DLGAP1: variants seen among roughly 807,000 people sequenced by gnomAD.
DLGAP1 encodes the protein disks large-associated protein 1.
In DLGAP1, 11 loss-of-function variants were observed where a neutral mutation model predicts 90.8. The observed-to-expected ratio is 0.12, with a 90% confidence interval of 0.08 to 0.20. DLGAP1 has a LOEUF of 0.20. DLGAP1 is among the 10% of genes least tolerant of loss of function. DLGAP1 has a pLI of 1.00. For synonymous variants in DLGAP1, 558 were observed against 540.7 expected, an observed-to-expected ratio of 1.03 and a Z score of -0.44; for missense variants, 1,050 against 1,333.8, an observed-to-expected ratio of 0.79 and a Z score of 3.31.
chr18:4,170,140 G>A (rs1341203467), intron 1 of DLGAP1, among the ~76,000 whole-genome samples: 2 of 152,120 alleles, frequency 1.3e-5, no homozygotes. Flanking sequence ...GAAGCCAGTA[G>A]CAGAGCAGAT....
intron 2 of DLGAP1, among the ~76,000 whole-genome samples, chr18:4,093,717 G>A (rs2143784636): frequency 6.6e-6 from 1 of 152,250 alleles, no homozygotes; most frequent in South Asian, 2.1e-4. Context: ...GGGCATGGTA[G>A]CTGTTCTCTT....
chr18:3,693,768 T>TG (rs2060982477), intron 7 of DLGAP1, among the ~76,000 whole-genome samples: 4 of 152,172 alleles, frequency 2.6e-5, no homozygotes, highest in African/African-American at 9.7e-5. Context: ...CAAAAGGGAA[T>TG]CCAGATTGGG....
intron 5 of DLGAP1, among the ~76,000 whole-genome samples, chr18:3,804,298 A>G (rs577040376): frequency 1.3e-5 from 2 of 152,160 alleles, no homozygotes; most frequent in Non-Finnish European, 2.9e-5. Context: ...GATAATTTTT[A>G]AAGAATGTTG....
At chr18:3,507,097 A>C (rs2050270420) in intron 11 of DLGAP1, among the ~76,000 whole-genome samples, 1 of 151,972 alleles carries the variant, frequency 6.6e-6, no homozygotes, top group African/African-American at 2.4e-5. Flanking sequence ...GATGGAGACT[A>C]CCACCTTTTC....
intron 1 of DLGAP1, among the ~76,000 whole-genome samples, chr18:4,343,656 G>A (rs1291108314): frequency 6.6e-6 from 1 of 152,002 alleles, no homozygotes; most frequent in East Asian, 1.9e-4. Flanking sequence ...TTGGGGGGTC[G>A]GGGGCTAGGG....
intron 1 of DLGAP1, among the ~76,000 whole-genome samples, chr18:4,328,577 T>C (rs547394656): frequency 6.6e-6 from 1 of 152,158 alleles, no homozygotes; most frequent in African/African-American, 2.4e-5. Flanking sequence ...GTAGTGAGAT[T>C]ACTGGGCCAC....
At chr18:4,117,706 G>A (rs2076085262) in intron 2 of DLGAP1, among the ~76,000 whole-genome samples, 1 of 152,152 alleles carries the variant, frequency 6.6e-6, no homozygotes, top group South Asian at 2.1e-4. Context: ...TACTAGCTTG[G>A]ATTTTTCTTC....
At chr18:3,847,641 C>T (rs1285066783) in intron 4 of DLGAP1, among the ~76,000 whole-genome samples, 1 of 152,152 alleles carries the variant, frequency 6.6e-6, no homozygotes, top group Admixed American at 6.5e-5. Flanking sequence ...ATTATAGCAA[C>T]ATCCTACCAA....
chr18:4,413,346 A>G (rs1256611412), intron 1 of DLGAP1, among the ~76,000 whole-genome samples: 1 of 152,176 alleles, frequency 6.6e-6, no homozygotes, highest in East Asian at 1.9e-4. Flanking sequence ...ACTATAGCAC[A>G]TGCAAGTGCA....
At chr18:3,529,006 T>G (rs2051821632) in intron 10 of DLGAP1, among the ~76,000 whole-genome samples, 2 of 152,204 alleles carry the variant, frequency 1.3e-5, no homozygotes, top group Admixed American at 1.3e-4. Flanking sequence ...CCCATCTCTC[T>G]CTTCCACATC....
chr18:3,550,389 CT>C (rs1368262524), intron 9 of DLGAP1, among the ~76,000 whole-genome samples: 6 of 152,076 alleles, frequency 3.9e-5, no homozygotes, highest in African/African-American at 1.4e-4. Flanking sequence ...CCACGCCCAG[CT>C]AATTTTTTTT....
intron 7 of DLGAP1, among the ~76,000 whole-genome samples, chr18:3,623,584 G>T (rs1415838035): frequency 2.0e-5 from 3 of 151,860 alleles, no homozygotes; most frequent in East Asian, 3.9e-4. Context: ...GGTCAGGAGT[G>T]CGAGACCAGC....
chr18:3,739,700 G>A lies in DLGAP1; in HGVS notation c.1350+2635C>T, dbSNP rs145048084. Reference sequence around the variant, plus strand: ...AAGATGACAAGTTAGTGGGTGCAGCGCACCAGTGCGGCACATGTATACATA... The same window carrying A: ...AAGATGACAAGTTAGTGGGTGCAGCACACCAGTGCGGCACATGTATACATA... On this transcript the variant is annotated intron_variant, in intron 6 of 12. Coordinates refer to ENST00000315677, the MANE Select transcript of DLGAP1 (RefSeq NM_004746.4). Among the ~76,000 whole-genome samples the A allele has an allele frequency of 7.3e-3, 1,114 of 152,052 alleles. 8 individuals carry two copies. Among genetic ancestry groups the A allele is most frequent in the Admixed American group, 9.0e-3 (137 of 15,250 alleles).
intron 7 of DLGAP1, among the ~76,000 whole-genome samples, chr18:3,617,689 G>A (rs530609522): frequency 1.3e-5 from 2 of 151,788 alleles, no homozygotes; most frequent in Non-Finnish European, 2.9e-5. Flanking sequence ...CTCCATGCAT[G>A]GTTGCCACAA....
chr18:3,539,726 T>A (rs535152157), intron 9 of DLGAP1, among the ~76,000 whole-genome samples: 13 of 152,342 alleles, frequency 8.5e-5, no homozygotes, highest in South Asian at 6.2e-4. Context: ...AAAGAAATTG[T>A]GCACAAAAAC....
chr18:4,065,849 T>A (rs1410714720), intron 2 of DLGAP1, among the ~76,000 whole-genome samples: 1 of 120,588 alleles, frequency 8.3e-6, no homozygotes, highest in East Asian at 2.7e-4. Flanking sequence ...AAAAAAGGGC[T>A]TGAACAGCCA....
intron 1 of DLGAP1, among the ~76,000 whole-genome samples, chr18:4,360,302 T>C (rs1598280924): frequency 6.6e-6 from 1 of 152,208 alleles, no homozygotes; most frequent in South Asian, 2.1e-4. Context: ...CAGGAATTAA[T>C]GTATTTCATT....
chr18:3,813,260 T>C (rs371740882), intron 5 of DLGAP1, among the ~76,000 whole-genome samples: 2 of 152,210 alleles, frequency 1.3e-5, no homozygotes, highest in Non-Finnish European at 2.9e-5. Flanking sequence ...TATATTTACA[T>C]AAACAAATAC....
chr18:4,157,872 C>G (rs1005321944), intron 1 of DLGAP1, among the ~76,000 whole-genome samples: 1 of 152,140 alleles, frequency 6.6e-6, no homozygotes, highest in Non-Finnish European at 1.5e-5. Flanking sequence ...GGAACCAGAA[C>G]TTCCTTCAAC....
Sources: gnomAD v4.1 joint callset for allele counts (sites outside exome capture counted in the v4.1 genomes callset) on GRCh38, gnomAD v4.1.1 for gene constraint, MANE v1.5 for transcripts, NCBI Gene and HGNC (gene_info 2026-07-23, HGNC 2026-07-21) for gene names.